IGF2R: variants seen among roughly 807,000 people sequenced by gnomAD.
IGF2R encodes cation-independent mannose-6-phosphate receptor.
A neutral mutation model predicts 270.6 loss-of-function variants in IGF2R; 91 were observed. The observed-to-expected ratio is 0.34, with a 90% CI of 0.28 to 0.40. The LOEUF (loss-of-function observed/expected upper bound fraction) is 0.40, where lower values mean the gene tolerates loss of function less well. IGF2R is among the 10% of genes least tolerant of loss of function. The pLI, the probability that IGF2R is intolerant of heterozygous loss-of-function variation, is 1.00. For missense variants in IGF2R, 2,805 were observed against 3,188.3 expected (o/e 0.88, Z 2.90); for synonymous variants, 1,316 against 1,258.9 (o/e 1.05, Z -0.96).
rs762290900 is a variant in IGF2R at position 160,073,481 on chromosome 6, G to C, written c.4947+12G>C. On this transcript the variant is annotated intron_variant, in intron 34 of 47. Coordinates refer to ENST00000356956, the MANE Select transcript of IGF2R (RefSeq NM_000876.4). ...CCTGCGAGCAAGCGGTGAGTTTTCA[G>C]ATGGGCACGGGAGAAGTGCATGTCC... 1.4e-5 allele frequency: 22 copies of C among 1,613,566 alleles called. No homozygotes were observed. The highest frequency in any genetic ancestry group is 2.7e-5 in the African/African-American group (2 of 74,962).
At position 159,971,003 on chromosome 6, in the gene IGF2R, C is replaced by T. The variant is rs1783600709; in HGVS notation, c.149+1608C>T. ...TGAGGTGGTAGGATAACGTTAGCCC[C>T]GCAGGTCGAGGTTGCAGTGAGTTGT... is the stretch of plus-strand genomic sequence containing the variant. On this transcript the variant is annotated intron_variant, in intron 1 of 47. Transcript: ENST00000356956. 5.3e-5 allele frequency among the ~76,000 whole-genome samples: 8 copies of T among 152,112 alleles called. No homozygotes were observed. The South Asian group carries it at 1.7e-3, about 32-fold the overall frequency.
intron 45 of IGF2R, among the ~76,000 whole-genome samples, chr6:160,101,080 C>G (rs1779476070): frequency 6.6e-6 from 1 of 151,148 alleles, no homozygotes; most frequent in Non-Finnish European, 1.5e-5. Flanking sequence ...GCATGAGCCA[C>G]TGTGCTCGGC....
intron 25 of IGF2R, 67 bp from the exon 26 acceptor site, chr6:160,062,465 C>G: frequency 7.9e-7 from 1 of 1,259,416 alleles, no homozygotes; most frequent in East Asian, 2.3e-5. Flanking sequence ...AGCCACCGTG[C>G]CCGGCCCCAT....
At chr6:159,994,309 T>A (rs6455678) in intron 2 of IGF2R, among the ~76,000 whole-genome samples, 1 of 151,798 alleles carries the variant, frequency 6.6e-6, no homozygotes, top group East Asian at 1.9e-4. Flanking sequence ...CTTTTTCATT[T>A]CTGATTGTGC....
At chr6:160,069,387 G>A (rs548144555) in intron 30 of IGF2R, among the ~76,000 whole-genome samples, 11 of 152,232 alleles carry the variant, frequency 7.2e-5, no homozygotes, top group Admixed American at 1.3e-4. Context: ...CCCTTGCTGC[G>A]TTGTGCTGTG....
In IGF2R at chr6:160,062,600, T is replaced by C; in HGVS notation, c.3651T>C (p.Cys1217=). 5.0e-6 allele frequency: 8 copies of C among 1,613,708 alleles called. No individual in the cohort carries two copies. Among genetic ancestry groups the C allele is most frequent in the Non-Finnish European group, 5.9e-6 (7 of 1,179,642 alleles). Residue 1217 remains cysteine (C), a synonymous_variant, in exon 26 of 48, where the codon TGT becomes TGC. Coordinates refer to ENST00000356956, the MANE Select transcript of IGF2R (RefSeq NM_000876.4). ...TTATCTGGAGAACTGTGGAAGCCTG[T>C]CCCGTTGTCAGAGTGGAAGGTAGGA... The part of the protein sequence containing the change: ...YVFIWRTVEA[C]PVVRVEGDNC...
rs142476213 is a variant in IGF2R at position 160,097,582 on chromosome 6, G to A, written c.6842+957G>A. 4.7e-3 allele frequency among the ~76,000 whole-genome samples: 721 copies of A among 152,290 alleles called. 11 individuals carry two copies. The highest frequency in any genetic ancestry group is 8.2e-3 in the Non-Finnish European group (560 of 68,036). On this transcript the variant is annotated intron_variant, in intron 45 of 47. Transcript: ENST00000356956. Reference sequence around the variant, plus strand: ...TCACCTCAGATAATCTGCCTGCCTTGGCCTCCCAAAGTGCTGGCATTACAA... The same window carrying A: ...TCACCTCAGATAATCTGCCTGCCTTAGCCTCCCAAAGTGCTGGCATTACAA...
intron 10 of IGF2R, among the ~76,000 whole-genome samples, chr6:160,037,392 A>G (rs551454824): frequency 1.3e-5 from 2 of 152,288 alleles, no homozygotes; most frequent in East Asian, 3.9e-4. Context: ...GTTCATTATT[A>G]TTTTGCTCGA....
intron 6 of IGF2R, among the ~76,000 whole-genome samples, chr6:160,028,727 A>C (rs1777619137): frequency 6.6e-6 from 1 of 152,182 alleles, no homozygotes; most frequent in Non-Finnish European, 1.5e-5. Flanking sequence ...TGTGGGGTTA[A>C]GACAAAACAA....
chr6:159,994,595 T>G (rs1483939706), intron 2 of IGF2R, among the ~76,000 whole-genome samples: 4 of 152,178 alleles, frequency 2.6e-5, no homozygotes, highest in Non-Finnish European at 4.4e-5. Flanking sequence ...TAAACTTCCC[T>G]CTTACCGCTG....
At chr6:159,974,433 A>G (rs1357587969) in intron 1 of IGF2R, among the ~76,000 whole-genome samples, 1 of 152,112 alleles carries the variant, frequency 6.6e-6, no homozygotes, top group African/African-American at 2.4e-5. Flanking sequence ...TCTGGGTACA[A>G]GTTCTTTCTT....
intron 10 of IGF2R, among the ~76,000 whole-genome samples, chr6:160,036,496 ATCTC>A (rs1777827742): frequency 6.6e-6 from 1 of 151,952 alleles, no homozygotes; most frequent in African/African-American, 2.4e-5. Flanking sequence ...TGTGGTCTGA[ATCTC>A]CCTGCAACTT....
chr6:160,046,973 A>G (rs1451018961), intron 15 of IGF2R, among the ~76,000 whole-genome samples, 186 bp from the exon 16 acceptor site: 1 of 152,188 alleles, frequency 6.6e-6, no homozygotes, highest in Non-Finnish European at 1.5e-5. Flanking sequence ...CAGCGGTGCC[A>G]AGAGGAGATT....
chr6:159,985,987 G>T lies in IGF2R; in HGVS notation c.150-5197G>T, dbSNP rs980403509. Among the ~76,000 whole-genome samples, 13 of 152,254 alleles carry T rather than the reference G, an allele frequency of 8.5e-5. No individual in the cohort carries two copies. In the Middle Eastern group the frequency reaches 0.017, roughly 199 times the overall value. On this transcript the variant is annotated intron_variant, in intron 1 of 47. Transcript: ENST00000356956. ...GAAGAGTGATTTTAACTAAAATCAG[G>T]CTGCCTCCCTTGAGGATGGTCACTG...
At chr6:160,012,347 A>C (rs749236287) in intron 4 of IGF2R, among the ~76,000 whole-genome samples, 3 of 152,184 alleles carry the variant, frequency 2.0e-5, no homozygotes, top group African/African-American at 4.8e-5. Flanking sequence ...GCTATAAAGA[A>C]ACACCTGAGA....
Position 159,998,896 on chromosome 6 carries a change from C to A in IGF2R, c.289+7573C>A, listed in dbSNP as rs185617071. On this transcript the variant is annotated intron_variant, in intron 2 of 47. Transcript: ENST00000356956. The surrounding 1 kb of genome is among the most constrained non-coding windows in gnomAD (Gnocchi z 4.1). ...GGCCTAATGTTTAAAAGTAAAATAT[C>A]TCATTTAATTCATTCAACAACCCTT... Among the ~76,000 whole-genome samples the A allele has an allele frequency of 3.9e-5, 6 of 152,176 alleles. No homozygotes were observed. Among genetic ancestry groups the A allele is most frequent in the African/African-American group, 7.2e-5 (3 of 41,426 alleles).
intron 44 of IGF2R, chr6:160,094,074 AC>A: frequency 1.9e-6 from 1 of 521,152 alleles, no homozygotes; most frequent in East Asian, 5.0e-5. Context: ...CACCAGCCCT[AC>A]CTCCACCCCA....
In IGF2R at chr6:160,044,507, C is replaced by T. The variant is rs748353802; in HGVS notation, c.1622-7C>T. On this transcript the variant is annotated splice_polypyrimidine_tract_variant and splice_region_variant and intron_variant, in intron 12 of 47. Transcript: ENST00000356956. The stretch of plus-strand genomic sequence containing the variant: ...CATCTTCTGTTTTCTCCCCCTTTCT[C>T]TTCCAGATAAAAATGGAAGTAAAAA... 2.5e-6 allele frequency: 4 copies of T among 1,597,732 alleles called. No individual in the cohort carries two copies. The highest frequency in any genetic ancestry group is 3.4e-6 in the Non-Finnish European group (4 of 1,168,860).
chr6:160,069,683 G>A (rs1056357373), intron 30 of IGF2R, among the ~76,000 whole-genome samples, 185 bp from the exon 31 acceptor site: 3 of 152,210 alleles, frequency 2.0e-5, no homozygotes, highest in African/African-American at 7.2e-5. Flanking sequence ...CAGCATGTAA[G>A]TGAGTGAGAA....
Sources: allele counts gnomAD v4.1 joint callset (sites outside exome capture counted in the v4.1 genomes callset), GRCh38; gene constraint gnomAD v4.1.1; non-coding constraint Gnocchi (gnomAD v3.1); transcripts MANE v1.5; gene names NCBI Gene and HGNC (gene_info 2026-07-23, HGNC 2026-07-21).